The following SLC8A1 variants were observed in gnomAD, a reference collection of about 807,000 sequenced individuals.
SLC8A1 encodes the protein sodium/calcium exchanger 1.
Under a neutral mutation model 68.3 loss-of-function variants are expected in SLC8A1, and 18 were observed. The observed-to-expected ratio is 0.26, with a 90% CI of 0.18 to 0.39. The LOEUF is 0.39. SLC8A1 is among the 10% of genes least tolerant of loss of function. The pLI is 1.00. For synonymous variants in SLC8A1, 475 were observed against 415.5 expected, an observed-to-expected ratio of 1.14 and a Z score of -1.74; for missense variants, 985 against 1,156.7, an observed-to-expected ratio of 0.85 and a Z score of 2.15.
intron 1 of SLC8A1, among the ~76,000 whole-genome samples, chr2:40,476,096 G>A (rs1185813038): frequency 6.6e-6 from 1 of 152,166 alleles, no homozygotes; most frequent in African/African-American, 2.4e-5. Flanking sequence ...AGCATTTTGA[G>A]GTTAGTTGTG....
intron 2 of SLC8A1, among the ~76,000 whole-genome samples, chr2:40,294,457 C>T (rs938916827): frequency 6.6e-6 from 1 of 151,822 alleles, no homozygotes; most frequent in East Asian, 1.9e-4. Flanking sequence ...ATTCAGACAG[C>T]CATTAAAAAA....
At chr2:40,154,203 GAAAT>G (rs2043976638) in intron 6 of SLC8A1, among the ~76,000 whole-genome samples, 1 of 151,346 alleles carries the variant, frequency 6.6e-6, no homozygotes, top group African/African-American at 2.4e-5. Context: ...GTGAAGAACA[GAAAT>G]AATGCCTACA....
chr2:40,338,716 G>A (rs17463670), intron 2 of SLC8A1, among the ~76,000 whole-genome samples: 5,528 of 152,188 alleles, frequency 0.036, 139 homozygotes, highest in Non-Finnish European at 0.054. Context: ...TTCTTCCTTT[G>A]AAATTAGATG....
upstream of SLC8A1, among the ~76,000 whole-genome samples, chr2:40,456,680 TG>T (rs1703043106): frequency 6.6e-6 from 1 of 152,238 alleles, no homozygotes; most frequent in East Asian, 1.9e-4. Flanking sequence ...ATAGGATGCT[TG>T]GCATAGTTCC....
At chr2:40,414,596 C>T (rs1693238619) in intron 2 of SLC8A1, among the ~76,000 whole-genome samples, 1 of 152,094 alleles carries the variant, frequency 6.6e-6, no homozygotes, top group South Asian at 2.1e-4. Flanking sequence ...TATCACTTAA[C>T]TAAAATATTA....
chr2:40,458,753 GCT>G (rs1703169827), intron 1 of SLC8A1, among the ~76,000 whole-genome samples: 1 of 152,108 alleles, frequency 6.6e-6, no homozygotes, highest in Non-Finnish European at 1.5e-5. Flanking sequence ...TTACTTCTAA[GCT>G]CTTATTTGGA....
At chr2:40,237,398 A>G (rs988872582) in intron 2 of SLC8A1, among the ~76,000 whole-genome samples, 8 of 152,182 alleles carry the variant, frequency 5.3e-5, no homozygotes, top group South Asian at 4.2e-4. Flanking sequence ...TGATTGCATC[A>G]GCTCCTGAGG....
chr2:40,301,945 C>T (rs560915953), intron 2 of SLC8A1, among the ~76,000 whole-genome samples: 9 of 152,062 alleles, frequency 5.9e-5, no homozygotes, highest in African/African-American at 1.9e-4. Flanking sequence ...TCACTGCAAC[C>T]TCTGACTCCT....
chr2:40,174,226 C>CA (rs2048061544), intron 4 of SLC8A1, among the ~76,000 whole-genome samples: 1 of 151,936 alleles, frequency 6.6e-6, no homozygotes, highest in Admixed American at 6.6e-5. Flanking sequence ...TATATATTTA[C>CA]ATACATAATT....
intron 2 of SLC8A1, among the ~76,000 whole-genome samples, chr2:40,330,432 T>C (rs2076293538): frequency 6.6e-6 from 1 of 152,152 alleles, no homozygotes; most frequent in Non-Finnish European, 1.5e-5. Context: ...AACCAGTGAA[T>C]AATAAAGGCA....
chr2:40,495,958 G>A (rs1033905264), intron 1 of SLC8A1, among the ~76,000 whole-genome samples: 97 of 152,020 alleles, frequency 6.4e-4, no homozygotes, highest in African/African-American at 2.3e-3. Flanking sequence ...TTATCTATCT[G>A]TCTATCAATC....
chr2:40,213,653 G>C (rs376303), intron 2 of SLC8A1, among the ~76,000 whole-genome samples: 113,805 of 152,026 alleles, frequency 0.75, 43,248 homozygotes, highest in Middle Eastern at 0.84. Context: ...CAATCCCAAG[G>C]ACATTTTTTC....
At chr2:40,192,704 G>A (rs1342723603) in intron 2 of SLC8A1, among the ~76,000 whole-genome samples, 1 of 151,984 alleles carries the variant, frequency 6.6e-6, no homozygotes, top group African/African-American at 2.4e-5. Flanking sequence ...ATATTAACTT[G>A]CTGTCTTGGT....
At chr2:40,351,728 G>A (rs1575615152) in intron 2 of SLC8A1, among the ~76,000 whole-genome samples, 1 of 152,160 alleles carries the variant, frequency 6.6e-6, no homozygotes, top group African/African-American at 2.4e-5. Flanking sequence ...AGGGGAAAGA[G>A]CTTTGACAAA....
chr2:40,435,534 G>A (rs1300418208), intron 1 of SLC8A1, among the ~76,000 whole-genome samples: 3 of 152,118 alleles, frequency 2.0e-5, no homozygotes, highest in Non-Finnish European at 2.9e-5. Context: ...GGCTATGAGC[G>A]GTCACATCAT....
At chr2:40,436,258 A>G (rs1010296619) in intron 1 of SLC8A1, among the ~76,000 whole-genome samples, 4 of 152,092 alleles carry the variant, frequency 2.6e-5, no homozygotes, top group Non-Finnish European at 4.4e-5. Flanking sequence ...TGAATGAGTA[A>G]AGTAATGCTC....
At chr2:40,120,454 C>T (rs2036527959) in intron 7 of SLC8A1, among the ~76,000 whole-genome samples, 1 of 152,180 alleles carries the variant, frequency 6.6e-6, no homozygotes, top group Non-Finnish European at 1.5e-5. Flanking sequence ...TGTATGCTCT[C>T]GGCAAGTCAC....
At chr2:40,294,093 A>G (rs1452750325) in intron 2 of SLC8A1, among the ~76,000 whole-genome samples, 3 of 152,164 alleles carry the variant, frequency 2.0e-5, no homozygotes, top group African/African-American at 4.8e-5. Flanking sequence ...CTGCACTGAG[A>G]TATCTTTATG....
At chr2:40,399,442 A>C (rs376857121) in intron 2 of SLC8A1, among the ~76,000 whole-genome samples, 98 of 152,152 alleles carry the variant, frequency 6.4e-4, no homozygotes, top group Non-Finnish European at 1.1e-3. Context: ...AGCTTAGGCT[A>C]GGCTCTTAGG....
Sources: allele counts gnomAD v4.1 joint callset (sites outside exome capture counted in the v4.1 genomes callset), GRCh38; gene constraint gnomAD v4.1.1; transcripts MANE v1.5; gene names NCBI Gene and HGNC (gene_info 2026-07-23, HGNC 2026-07-21).